The following PTPRG variants were observed in gnomAD, a reference collection of about 807,000 sequenced individuals.
PTPRG encodes the protein receptor-type tyrosine-protein phosphatase gamma.
Under a neutral mutation model 165.3 loss-of-function variants are expected in PTPRG, and 102 were observed. That is an observed-to-expected ratio of 0.62 (90% CI 0.53 to 0.73). The LOEUF (loss-of-function observed/expected upper bound fraction) is 0.73, where lower values mean the gene tolerates loss of function less well. Ranked by LOEUF, PTPRG falls within the 30% of genes least tolerant of loss-of-function variation. PTPRG has a pLI of 0.00. For missense variants in PTPRG, 1,866 were observed against 1,861.4 expected (o/e 1.00, Z -0.05); for synonymous variants, 675 against 669.5 (o/e 1.01, Z -0.13).
intron 1 of PTPRG, among the ~76,000 whole-genome samples, chr3:61,629,395 C>G (rs527915479): frequency 1.3e-5 from 2 of 152,106 alleles, no homozygotes; most frequent in Non-Finnish European, 2.9e-5. Flanking sequence ...ACCTTGTGAT[C>G]CGCCTGCCTT....
Position 62,295,782 on chromosome 3 carries a change from T to C in PTPRG, c.*2475T>C, listed in dbSNP as rs1703042007. On this transcript the variant is annotated 3_prime_UTR_variant, in exon 30 of 30. Coordinates refer to ENST00000474889, the MANE Select transcript of PTPRG (RefSeq NM_002841.4). ...ACACACTTCAATGAGGACAGTTATATTTAGCAGGTCCTCACCCCTGCAAGA... is the reference window on the plus strand; with the variant it reads ...ACACACTTCAATGAGGACAGTTATACTTAGCAGGTCCTCACCCCTGCAAGA... 1 of 152,078 alleles carries C rather than the reference T, an allele frequency of 6.6e-6. No homozygotes were observed. The highest frequency in any genetic ancestry group is 1.5e-5 in the Non-Finnish European group (1 of 67,982). 9.4% of individuals were successfully genotyped at this position (152,078 alleles called of 1,614,324 possible).
chr3:62,014,370 C>G (rs1002459128), intron 4 of PTPRG, among the ~76,000 whole-genome samples: 3 of 152,098 alleles, frequency 2.0e-5, no homozygotes, highest in Admixed American at 2.0e-4. Flanking sequence ...TTACCAAAAC[C>G]CTATCTTATT....
chr3:61,574,869 C>T (rs367589055), intron 1 of PTPRG, among the ~76,000 whole-genome samples: 11 of 152,112 alleles, frequency 7.2e-5, no homozygotes, highest in South Asian at 4.1e-4. Context: ...GTAACAACCC[C>T]GCTCAAGGGA....
rs758634378 is a variant in PTPRG at position 62,217,328 on chromosome 3, G to A, written c.2156-1523G>A. ...AGGGGATACATCAGGTCCTGTCTGC[G>A]TCACAGGCCTGTGCCTGAAACAAAG... On this transcript the variant is annotated intron_variant, in intron 12 of 29. Coordinates refer to ENST00000474889, the MANE Select transcript of PTPRG (RefSeq NM_002841.4). The surrounding 1 kb of genome is among the most constrained non-coding windows in gnomAD (Gnocchi z 4.3). Among the ~76,000 whole-genome samples, 12 of 152,164 alleles carry A rather than the reference G, an allele frequency of 7.9e-5. No homozygotes were observed. The highest frequency in any genetic ancestry group is 1.3e-4 in the Admixed American group (2 of 15,278).
chr3:61,941,554 C>T (rs191755047), intron 2 of PTPRG, among the ~76,000 whole-genome samples: 14 of 152,088 alleles, frequency 9.2e-5, no homozygotes, highest in Admixed American at 3.3e-4. Context: ...ACCCAGGAGG[C>T]GGAGGTTGCA....
intron 8 of PTPRG, among the ~76,000 whole-genome samples, chr3:62,180,202 G>A (rs1433800107): frequency 6.6e-6 from 1 of 152,192 alleles, no homozygotes; most frequent in Admixed American, 6.5e-5. Flanking sequence ...TCCTGACGTG[G>A]CTGTTGGGAT....
intron 8 of PTPRG, among the ~76,000 whole-genome samples, chr3:62,189,274 G>A (rs1489224522): frequency 6.6e-6 from 1 of 152,150 alleles, no homozygotes; most frequent in Non-Finnish European, 1.5e-5. Flanking sequence ...AAGAGTAAAA[G>A]GTGGCCTCCC....
intron 1 of PTPRG, among the ~76,000 whole-genome samples, chr3:61,590,347 C>T (rs1457704374): frequency 6.6e-6 from 1 of 151,752 alleles, no homozygotes; most frequent in Non-Finnish European, 1.5e-5. Flanking sequence ...CATGGCCAAA[C>T]CCCGTCTCTA....
intron 2 of PTPRG, among the ~76,000 whole-genome samples, chr3:61,937,195 G>T (rs2039502450): frequency 6.6e-6 from 1 of 152,340 alleles, no homozygotes; most frequent in African/African-American, 2.4e-5. Context: ...GACCTAACCT[G>T]TGTGAGAGAT....
chr3:61,965,878 G>C (rs968806747), intron 2 of PTPRG, among the ~76,000 whole-genome samples: 3 of 152,230 alleles, frequency 2.0e-5, no homozygotes, highest in Non-Finnish European at 4.4e-5. Context: ...CTGGTTCTAG[G>C]ATTCATGGTC....
intron 1 of PTPRG, among the ~76,000 whole-genome samples, chr3:61,568,903 G>A (rs370369357): frequency 0.012 from 1,424 of 116,088 alleles, 22 homozygotes; most frequent in African/African-American, 0.041. Context: ...GCAAGACTCC[G>A]TCTCAAAAAA....
intron 1 of PTPRG, among the ~76,000 whole-genome samples, chr3:61,699,183 A>T (rs57406508): frequency 0.043 from 6,591 of 152,138 alleles, 245 homozygotes; most frequent in African/African-American, 0.1. Context: ...TAACAAAATT[A>T]AAAAAAATTA....
intron 4 of PTPRG, among the ~76,000 whole-genome samples, chr3:62,042,601 G>T (rs767000398): frequency 2.9e-4 from 44 of 151,994 alleles, no homozygotes; most frequent in Non-Finnish European, 5.9e-4. Flanking sequence ...TTTCCTTTGG[G>T]TCTCAGCTTA....
chr3:61,670,564 T>C (rs1269667479), intron 1 of PTPRG, among the ~76,000 whole-genome samples: 2 of 152,212 alleles, frequency 1.3e-5, no homozygotes, highest in Non-Finnish European at 2.9e-5. Context: ...GCTTTCCATA[T>C]GGTCATACTC....
At chr3:61,744,348 C>T (rs191382651) in intron 1 of PTPRG, among the ~76,000 whole-genome samples, 83 of 152,234 alleles carry the variant, frequency 5.5e-4, no homozygotes, top group African/African-American at 1.9e-3. Context: ...TTTTGTTGTG[C>T]GAACATCATA....
At chr3:61,953,280 C>T (rs1000669536) in intron 2 of PTPRG, among the ~76,000 whole-genome samples, 2 of 152,164 alleles carry the variant, frequency 1.3e-5, no homozygotes, top group African/African-American at 4.8e-5. Context: ...CACCCTTGCT[C>T]TGCTACTGAC....
chr3:61,822,699 A>T (rs149908174), intron 2 of PTPRG, among the ~76,000 whole-genome samples: 1 of 152,204 alleles, frequency 6.6e-6, no homozygotes, highest in African/African-American at 2.4e-5. Context: ...GAATTTTCCA[A>T]TGTGAAGCTA....
intron 4 of PTPRG, among the ~76,000 whole-genome samples, chr3:62,045,340 A>G (rs554281592): frequency 1.3e-5 from 2 of 152,304 alleles, no homozygotes; most frequent in South Asian, 4.1e-4. Context: ...GAAAACATTT[A>G]TCTGAAGGAA....
chr3:62,054,627 A>G (rs1700572601), intron 4 of PTPRG, among the ~76,000 whole-genome samples: 1 of 152,250 alleles, frequency 6.6e-6, no homozygotes, highest in Non-Finnish European at 1.5e-5. Flanking sequence ...AGGTTGAGGC[A>G]GCTGCCTAAT....
Sources: gnomAD v4.1 joint callset for allele counts (sites outside exome capture counted in the v4.1 genomes callset) on GRCh38, gnomAD v4.1.1 for gene constraint, Gnocchi (gnomAD v3.1) non-coding constraint, MANE v1.5 for transcripts, NCBI Gene and HGNC (gene_info 2026-07-23, HGNC 2026-07-21) for gene names.